AKAP7: variants seen among roughly 807,000 people sequenced by gnomAD.
The protein encoded by AKAP7 is A kinase (PRKA) anchor protein 7.
A neutral mutation model predicts 39.5 loss-of-function variants in AKAP7; 39 were observed. That is an observed-to-expected ratio of 0.99 (90% CI 0.76 to 1.29). The LOEUF is 1.29. AKAP7 is among the 50% of genes most tolerant of loss of function. The pLI is 0.00. For synonymous variants in AKAP7, 140 were observed against 139.1 expected (o/e 1.01, Z -0.05); for missense variants, 414 against 407.7 (o/e 1.02, Z -0.13).
At position 131,265,495 on chromosome 6, in the gene AKAP7, G is replaced by A. The variant is rs560723972; in HGVS notation, c.851-16035G>A. Among the ~76,000 whole-genome samples, 3 of 152,324 alleles carry A rather than the reference G, an allele frequency of 2.0e-5. No homozygotes were observed. In the East Asian group the frequency reaches 5.8e-4, roughly 29 times the overall value. ...CTGTTTTCCCTGGCTCACAGATAAA[G>A]TGGGCCATAGAGGGGCTGAGCAACT... On this transcript the variant is annotated intron_variant, in intron 7 of 7. Transcript: ENST00000431975.
chr6:131,223,207 A>G (rs80266525), intron 7 of AKAP7, among the ~76,000 whole-genome samples: 4,586 of 152,300 alleles, frequency 0.03, 221 homozygotes, highest in African/African-American at 0.1. Flanking sequence ...CTTTATTGCA[A>G]TAGTCTGGAA....
chr6:131,188,761 C>T (rs1050089286), intron 5 of AKAP7, among the ~76,000 whole-genome samples: 7 of 151,378 alleles, frequency 4.6e-5, no homozygotes, highest in Admixed American at 1.3e-4. Context: ...CCATGTTGCC[C>T]AGGCTGGTCT....
chr6:131,172,898 T>G (rs1385567847), intron 5 of AKAP7, among the ~76,000 whole-genome samples: 3 of 152,180 alleles, frequency 2.0e-5, no homozygotes, highest in Admixed American at 2.0e-4. Flanking sequence ...ATGAGTTGAT[T>G]AGAAAAAATT....
At chr6:131,232,082 G>A (rs1428818710) in intron 7 of AKAP7, among the ~76,000 whole-genome samples, 2 of 152,100 alleles carry the variant, frequency 1.3e-5, no homozygotes, top group Admixed American at 1.3e-4. Context: ...TAACACAAAG[G>A]GGCAGCTGTG....
chr6:131,236,168 T>G (rs1811041611), intron 7 of AKAP7, among the ~76,000 whole-genome samples: 1 of 152,076 alleles, frequency 6.6e-6, no homozygotes, highest in Admixed American at 6.5e-5. Flanking sequence ...GGGAATCGTT[T>G]CCCCATTGCT....
chr6:131,231,361 G>GTT (rs148985368), intron 7 of AKAP7, among the ~76,000 whole-genome samples: 2 of 150,442 alleles, frequency 1.3e-5, no homozygotes, highest in Admixed American at 1.3e-4. Flanking sequence ...AAACATTTGC[G>GTT]TTTTTTTTTC....
At chr6:131,132,475 A>ATT (rs1327215333), upstream of AKAP7, among the ~76,000 whole-genome samples, 1 of 151,984 alleles carries the variant, frequency 6.6e-6, no homozygotes. Context: ...TGTTCTGCCC[A>ATT]TTCCTCCCTG....
At chr6:131,212,955 T>C (rs1808811800) in intron 6 of AKAP7, among the ~76,000 whole-genome samples, 1 of 152,210 alleles carries the variant, frequency 6.6e-6, no homozygotes, top group Non-Finnish European at 1.5e-5. Context: ...ATTTAAAATG[T>C]TTTGAGAGTG....
Position 131,135,615 on chromosome 6 carries a change from G to A in AKAP7, c.-149G>A. 2 of 685,640 alleles carry A rather than the reference G, an allele frequency of 2.9e-6. No homozygotes were observed. The highest frequency in any genetic ancestry group is 3.6e-6 in the Non-Finnish European group (2 of 554,306). 42.5% of individuals were successfully genotyped at this position (685,640 alleles called of 1,614,324 possible). On this transcript the variant is annotated 5_prime_UTR_variant, in exon 1 of 8. Coordinates refer to ENST00000431975, the MANE Select transcript of AKAP7 (RefSeq NM_016377.4). The stretch of plus-strand genomic sequence containing the variant: ...TCCGCCGCCCGGGCCCCCGCAGCCT[G>A]TCGCTGGACCCCGCGCCGGCCCAGC...
At chr6:131,143,738 CTTTTTTTTTTTTTA>C (rs1202480706) in intron 1 of AKAP7, among the ~76,000 whole-genome samples, 146 of 142,922 alleles carry the variant, frequency 1.0e-3, no homozygotes, top group African/African-American at 3.3e-3. Flanking sequence ...TAGCCATATT[CTTTTTTTTTTTTTA>C]TTTTTTATTT....
At chr6:131,176,286 T>G (rs949646071) in intron 5 of AKAP7, among the ~76,000 whole-genome samples, 3 of 135,532 alleles carry the variant, frequency 2.2e-5, no homozygotes, top group African/African-American at 3.2e-5. Context: ...ATCCTGTGTG[T>G]TTTTTTTTTT....
At chr6:131,202,448 A>G (rs1031438655) in intron 6 of AKAP7, among the ~76,000 whole-genome samples, 11 of 151,276 alleles carry the variant, frequency 7.3e-5, no homozygotes, top group African/African-American at 2.7e-4. Context: ...TGATAAGTTC[A>G]TGTCCTTTGT....
intron 4 of AKAP7, among the ~76,000 whole-genome samples, chr6:131,165,773 A>G (rs1333910169): frequency 1.3e-5 from 2 of 152,128 alleles, no homozygotes; most frequent in Non-Finnish European, 2.9e-5. Flanking sequence ...TTCTGCCATA[A>G]AGGTTGAAGA....
intron 4 of AKAP7, among the ~76,000 whole-genome samples, chr6:131,167,859 A>T (rs1803655751): frequency 6.6e-6 from 1 of 152,184 alleles, no homozygotes; most frequent in Admixed American, 6.5e-5. Context: ...AAAAATGCTG[A>T]TTTTTTCAAA....
chr6:131,262,683 C>G (rs916081007), intron 7 of AKAP7, among the ~76,000 whole-genome samples: 63 of 151,994 alleles, frequency 4.1e-4, no homozygotes, highest in African/African-American at 1.4e-3. Context: ...AAACTCTCAC[C>G]TAGATCAATT....
intron 3 of AKAP7, among the ~76,000 whole-genome samples, chr6:131,161,042 C>A (rs963912751): frequency 1.3e-5 from 2 of 152,172 alleles, no homozygotes; most frequent in Non-Finnish European, 2.9e-5. Context: ...GTGATAATCT[C>A]TTTGACCAGG....
chr6:131,198,246 T>G (rs1807154360), intron 5 of AKAP7, among the ~76,000 whole-genome samples: 1 of 152,148 alleles, frequency 6.6e-6, no homozygotes, highest in Non-Finnish European at 1.5e-5. Context: ...ACAATAACTA[T>G]TTTGATGTCC....
At chr6:131,129,995 G>A in the AKAP7 span, among the ~76,000 whole-genome samples, 2 of 152,164 alleles carry the variant, frequency 1.3e-5, no homozygotes, top group African/African-American at 2.4e-5. Flanking sequence ...AGAAATGAGG[G>A]ACCTGAAGAG....
chr6:131,174,110 TA>T (rs1324601843), intron 5 of AKAP7, among the ~76,000 whole-genome samples: 2 of 152,224 alleles, frequency 1.3e-5, no homozygotes, highest in Non-Finnish European at 2.9e-5. Context: ...CAAAACATTA[TA>T]AAAAATAGAA....
Sources: gnomAD v4.1 joint callset for allele counts (sites outside exome capture counted in the v4.1 genomes callset) on GRCh38, gnomAD v4.1.1 for gene constraint, MANE v1.5 for transcripts, NCBI Gene and HGNC (gene_info 2026-07-23, HGNC 2026-07-21) for gene names.